The following PIK3R4 variants were observed in gnomAD, a reference collection of about 807,000 sequenced individuals.
The protein encoded by PIK3R4 is phosphoinositide 3-kinase regulatory subunit 4.
In PIK3R4, 46 loss-of-function variants were observed where a neutral mutation model predicts 136.5. The ratio of observed to expected loss-of-function variants is 0.34; its 90% CI spans 0.27 to 0.43. The LOEUF is 0.43. PIK3R4 is among the 20% of genes least tolerant of loss of function. The probability of loss-of-function intolerance (pLI) is 1.00; values close to 1 mark genes in which losing one functional copy is unlikely to be tolerated. For synonymous variants in PIK3R4, 557 were observed against 566.7 expected, an observed-to-expected ratio of 0.98 and a Z score of 0.24; for missense variants, 1,331 against 1,649.5, an observed-to-expected ratio of 0.81 and a Z score of 3.35.
chr3:130,733,689 C>T lies in PIK3R4; in HGVS notation c.1309G>A (p.Ala437Thr). 1 of 1,614,106 alleles carries T rather than the reference C, an allele frequency of 6.2e-7. No homozygotes were observed. The highest frequency in any genetic ancestry group is 8.5e-7 in the Non-Finnish European group (1 of 1,179,940). Residue 437 changes from alanine to threonine, a missense_variant, in exon 4 of 20, where the codon GCC becomes ACC. Ala to Thr is a moderately conservative substitution (Grantham distance 58, BLOSUM62 0). Coordinates refer to ENST00000356763, the MANE Select transcript of PIK3R4 (RefSeq NM_014602.3). ...AGAACTTTGGTCAACGTCCTCAAGGCTTCAGCCCTCACCCTAGGAACAGAG... is the reference window on the plus strand; with the variant it reads ...AGAACTTTGGTCAACGTCCTCAAGGTTTCAGCCCTCACCCTAGGAACAGAG... ...NDSVPRVRAE[A>T]LRTLTKVLAL... is the part of the protein sequence containing the mutation.
chr3:130,744,931 C>T lies in PIK3R4; in HGVS notation c.288G>A (p.Glu96=). The change falls in exon 2 of 20, where the codon GAG becomes GAA. Residue 96 remains glutamate (E), a synonymous_variant. Transcript: ENST00000356763. ...ACTGCCTAAAGAGCATAGCTGCTTT[C>T]TCAGATGCTTTTTCTGATGCTTTCT... ...PFQKASEKAS[E]KAAMLFRQYV... is the part of the protein sequence containing the mutation. 1.2e-6 allele frequency: 2 copies of T among 1,614,228 alleles called. No individual in the cohort carries two copies. The highest frequency in any genetic ancestry group is 1.7e-5 in the Admixed American group (1 of 60,024).
At chr3:130,726,245 A>G (rs982298925) in intron 6 of PIK3R4, among the ~76,000 whole-genome samples, 1 of 152,116 alleles carries the variant, frequency 6.6e-6, no homozygotes, top group Admixed American at 6.5e-5. Flanking sequence ...TCAAATTATG[A>G]TTTCAAATAA....
intron 8 of PIK3R4, among the ~76,000 whole-genome samples, chr3:130,716,883 C>T (rs1409681026): frequency 6.6e-6 from 1 of 152,114 alleles, no homozygotes; most frequent in Admixed American, 6.5e-5. Context: ...TTTCTAGATC[C>T]CAATATGTCA....
rs756822733 is a variant in PIK3R4, at chr3:130,690,611, G to A, written c.3142C>T (p.Leu1048Phe). 6.2e-7 allele frequency: 1 copy of A among 1,611,510 alleles called. No homozygotes were observed. The highest frequency in any genetic ancestry group is 1.1e-5 in the South Asian group (1 of 90,878). Residue 1048 changes from leucine to phenylalanine, a missense_variant, in exon 14 of 20, where the codon CTC (leucine) becomes TTC (phenylalanine). Physicochemically the swap from Leu to Phe is conservative, Grantham distance 22 (BLOSUM62 0). Transcript: ENST00000356763. ...TAGTGGGAGCCTTGGCAGAATGTGAGCGTCTTGACTCGTCCTCCAATTCGG... is the reference window on the plus strand; with the variant it reads ...TAGTGGGAGCCTTGGCAGAATGTGAACGTCTTGACTCGTCCTCCAATTCGG... The part of the protein sequence containing the change: ...YSRIGGRVKT[L>F]TFCQGSHYLA...
chr3:130,682,245 G>A (rs552833425), intron 16 of PIK3R4, among the ~76,000 whole-genome samples: 2 of 152,258 alleles, frequency 1.3e-5, no homozygotes, highest in African/African-American at 4.8e-5. Context: ...CTCCTTAGGC[G>A]AGGGAGGCAG....
chr3:130,716,328 T>G lies in PIK3R4; in HGVS notation c.2331+68A>C, dbSNP rs2066664264. 2.3e-6 allele frequency: 3 copies of G among 1,294,444 alleles called. No homozygotes were observed. In the South Asian group the frequency reaches 3.8e-5, roughly 16 times the overall value. 80.2% of individuals were successfully genotyped at this position (1,294,444 alleles called of 1,614,324 possible). A position where few individuals can be genotyped will look rare whatever the true frequency, so the allele number is the denominator to read the frequency against. On this transcript the variant is annotated intron_variant, in intron 9 of 19. Coordinates refer to ENST00000356763, the MANE Select transcript of PIK3R4 (RefSeq NM_014602.3). ...ATCAATCAAAAACATTTTAAAAAACTAAATGGACACTTCAATATTTTTATG... is the reference window on the plus strand; with the variant it reads ...ATCAATCAAAAACATTTTAAAAAACGAAATGGACACTTCAATATTTTTATG...
intron 6 of PIK3R4, among the ~76,000 whole-genome samples, chr3:130,727,078 A>C (rs548128570): frequency 6.6e-6 from 1 of 152,234 alleles, no homozygotes. Flanking sequence ...TTCAAAGTAG[A>C]AAGTACCCTT....
chr3:130,693,496 G>C (rs1242642686), intron 13 of PIK3R4, among the ~76,000 whole-genome samples: 1 of 152,060 alleles, frequency 6.6e-6, no homozygotes, highest in Non-Finnish European at 1.5e-5. Flanking sequence ...CATTGTAGTG[G>C]GTGTGAAGGA....
chr3:130,725,191 C>A (rs1285119150), intron 6 of PIK3R4, among the ~76,000 whole-genome samples: 1 of 151,324 alleles, frequency 6.6e-6, no homozygotes, highest in East Asian at 1.9e-4. Flanking sequence ...TGAAACTTAC[C>A]CTATCAGATG....
intron 4 of PIK3R4, among the ~76,000 whole-genome samples, chr3:130,731,271 G>A (rs917251204): frequency 1.3e-4 from 20 of 152,118 alleles, no homozygotes; most frequent in Non-Finnish European, 2.5e-4. Flanking sequence ...AGCACTGAAC[G>A]TAAAGTTTAA....
intron 9 of PIK3R4, among the ~76,000 whole-genome samples, chr3:130,709,650 T>C (rs908885148): frequency 3.9e-5 from 6 of 152,138 alleles, no homozygotes; most frequent in East Asian, 1.9e-4. Flanking sequence ...TTTTTGTTAG[T>C]CTATGTTTTA....
intron 12 of PIK3R4, among the ~76,000 whole-genome samples, chr3:130,704,676 T>G (rs2107607526): frequency 6.6e-6 from 1 of 152,286 alleles, no homozygotes; most frequent in South Asian, 2.1e-4. Context: ...GGCAAGTCTG[T>G]TAAGATAGTT....
At chr3:130,720,975 T>C (rs1233807328) in intron 7 of PIK3R4, among the ~76,000 whole-genome samples, 4 of 152,024 alleles carry the variant, frequency 2.6e-5, no homozygotes, top group African/African-American at 4.8e-5. Context: ...AGATCCAGGC[T>C]GCAGTAAGCT....
chr3:130,742,239 T>C (rs879299318), intron 2 of PIK3R4, among the ~76,000 whole-genome samples: 1 of 152,194 alleles, frequency 6.6e-6, no homozygotes, highest in African/African-American at 2.4e-5. Context: ...CGGAAGGGCC[T>C]ACCTTCAGCC....
chr3:130,720,247 G>A (rs1418960317), intron 7 of PIK3R4, among the ~76,000 whole-genome samples: 2 of 151,916 alleles, frequency 1.3e-5, no homozygotes, highest in African/African-American at 2.4e-5. Context: ...CCAGGCTGGA[G>A]TGCAATGGCA....
chr3:130,738,066 T>C (rs2066795717), intron 2 of PIK3R4, among the ~76,000 whole-genome samples: 1 of 152,232 alleles, frequency 6.6e-6, no homozygotes, highest in South Asian at 2.1e-4. Context: ...CTCCAGCAAC[T>C]AAGTTCCTAA....
chr3:130,722,935 G>C (rs997234148), intron 7 of PIK3R4, among the ~76,000 whole-genome samples: 1 of 149,532 alleles, frequency 6.7e-6, no homozygotes, highest in Admixed American at 6.6e-5. Flanking sequence ...CATGGTGGCA[G>C]GTGCCTGTAA....
intron 13 of PIK3R4, among the ~76,000 whole-genome samples, chr3:130,697,145 G>A (rs2066550485): frequency 7.8e-6 from 1 of 128,982 alleles, no homozygotes; most frequent in Non-Finnish European, 1.6e-5. Flanking sequence ...TCTCAGCTCA[G>A]TGCAACCCCC....
intron 1 of PIK3R4, among the ~76,000 whole-genome samples, chr3:130,745,529 T>C (rs2066847658): frequency 6.6e-6 from 1 of 152,238 alleles, no homozygotes; most frequent in African/African-American, 2.4e-5. Flanking sequence ...GGAGCTGAAC[T>C]ATATTTAGAT....
Sources: gnomAD v4.1 joint callset for allele counts (sites outside exome capture counted in the v4.1 genomes callset) on GRCh38, gnomAD v4.1.1 for gene constraint, MANE v1.5 for transcripts, NCBI Gene and HGNC (gene_info 2026-07-23, HGNC 2026-07-21) for gene names.